Variants in ZNF384 observed in about 807,000 individuals in gnomAD.
ZNF384 encodes the protein zinc finger protein 384, also known as CAG repeat protein 1.
In ZNF384, 20 loss-of-function variants were observed where a neutral mutation model predicts 65.0. The ratio of observed to expected loss-of-function variants is 0.31; its 90% CI spans 0.22 to 0.45. The LOEUF (loss-of-function observed/expected upper bound fraction) is 0.45, where lower values mean the gene tolerates loss of function less well. Among genes scored for constraint, ZNF384 ranks in the 20% least tolerant of loss-of-function variants. The pLI is 1.00. For missense variants in ZNF384, 549 were observed against 769.4 expected (o/e 0.71, Z 3.39); for synonymous variants, 310 against 303.9 (o/e 1.02, Z -0.21).
rs3835029 is a variant in ZNF384 at position 6,667,903 on chromosome 12, TTGCTGCTGCTGCTGC to T, written c.1623_1637del (p.Gln543_Gln547del). On this transcript the variant is annotated inframe_deletion, in exon 12 of 12. Transcript: ENST00000683879. ...GAGACTGGAAGTGTGGTGGTGGCTGTTGCTGCTGCTGCTGCTGCTGCTGCTGCTGCTGCTGCTGCT... is the reference window on the plus strand; with the variant it reads ...GAGACTGGAAGTGTGGTGGTGGCTGTTGCTGCTGCTGCTGCTGCTGCTGCT... The T allele has an allele frequency of 3.3e-4, 514 of 1,547,442 alleles. 1 individual carries two copies. Among genetic ancestry groups the T allele is most frequent in the South Asian group, 8.1e-4 (72 of 88,986 alleles).
At chr12:6,676,744 T>C (rs947121849) in intron 7 of ZNF384, among the ~76,000 whole-genome samples, 1 of 152,222 alleles carries the variant, frequency 6.6e-6, no homozygotes, top group Admixed American at 6.5e-5. Context: ...TATGAACTGA[T>C]ATATAAGAGA....
intron 6 of ZNF384, among the ~76,000 whole-genome samples, chr12:6,677,691 G>A (rs1201044751): frequency 6.6e-6 from 1 of 152,090 alleles, no homozygotes; most frequent in Non-Finnish European, 1.5e-5. Flanking sequence ...GCAGGGTAAG[G>A]CAGGCTCAGT....
In ZNF384 at chr12:6,678,088, G is replaced by A. The variant is rs1178262744; in HGVS notation, c.686+39C>T. ...GGTACAGGGAGAATCACCAAGCCAGGGATCCTCGCCCCATCCTGCCCCTGG... is the reference window on the plus strand; with the variant it reads ...GGTACAGGGAGAATCACCAAGCCAGAGATCCTCGCCCCATCCTGCCCCTGG... On this transcript the variant is annotated intron_variant, in intron 6 of 11. Coordinates refer to ENST00000683879, the MANE Select transcript of ZNF384 (RefSeq NM_001385745.1). This position sits in a 1 kb window ranked among gnomAD's most constrained non-coding sequence, Gnocchi z 4.9. 4.5e-6 allele frequency: 7 copies of A among 1,564,096 alleles called. No individual in the cohort carries two copies. The highest frequency in any genetic ancestry group is 6.1e-6 in the Non-Finnish European group (7 of 1,145,662).
At position 6,667,903 on chromosome 12, in the gene ZNF384, TTGCTGCTGCTGCTGCTGCTGC is replaced by T. The variant is rs3835029; in HGVS notation, c.1617_1637del (p.Gln541_Gln547del). The T allele has an allele frequency of 1.2e-4, 193 of 1,547,594 alleles. No homozygotes were observed. Among genetic ancestry groups the T allele is most frequent in the African/African-American group, 1.8e-4 (13 of 72,494 alleles). ...GAGACTGGAAGTGTGGTGGTGGCTG[TTGCTGCTGCTGCTGCTGCTGC>T]TGCTGCTGCTGCTGCTGCTGCTGTG... On this transcript the variant is annotated inframe_deletion, in exon 12 of 12. Transcript: ENST00000683879.
intron 3 of ZNF384, 41 bp from the exon 4 acceptor site, chr12:6,679,224 T>C (rs1954931952): frequency 2.0e-6 from 3 of 1,513,792 alleles, no homozygotes; most frequent in Non-Finnish European, 2.7e-6. Context: ...CTCTTCAGCC[T>C]GAGAGGCTGA....
chr12:6,677,531 G>A (rs571470953), intron 6 of ZNF384, among the ~76,000 whole-genome samples: 2 of 152,306 alleles, frequency 1.3e-5, no homozygotes, highest in East Asian at 3.9e-4. Flanking sequence ...ATGCTTTTTG[G>A]TAAAGGGGAA....
intron 7 of ZNF384, among the ~76,000 whole-genome samples, chr12:6,674,633 G>A (rs1370854033): frequency 6.6e-6 from 1 of 152,214 alleles, no homozygotes; most frequent in Non-Finnish European, 1.5e-5. Flanking sequence ...GAGAGAGGGG[G>A]AGGCTCTGTT....
In ZNF384 at chr12:6,672,439, G is replaced by T; in HGVS notation, c.1098C>A (p.His366Gln). 6.2e-7 allele frequency: 1 copy of T among 1,614,222 alleles called. No individual in the cohort carries two copies. The highest frequency in any genetic ancestry group is 8.5e-7 in the Non-Finnish European group (1 of 1,180,026). ...TFANTSYLAQ[H>Q]LRIHSGAKPY... is the part of the protein sequence containing the mutation. The stretch of plus-strand genomic sequence containing the variant: ...GCTTGGCCCCCGAGTGGATACGGAG[G>T]TGCTGGGCCAGGTAGGAGGTGTTGG... The change falls in exon 9 of 12, where the codon CAC becomes CAA. Residue 366 changes from histidine (H) to glutamine (Q), a missense_variant. Transcript: ENST00000683879. The surrounding 1 kb of genome is among the most constrained non-coding windows in gnomAD (Gnocchi z 4.4).
At chr12:6,685,382 A>G (rs1003144158) in intron 2 of ZNF384, among the ~76,000 whole-genome samples, 3 of 152,084 alleles carry the variant, frequency 2.0e-5, no homozygotes, top group Non-Finnish European at 4.4e-5. Flanking sequence ...AAGGAAAGAT[A>G]TAATTTGGTG....
chr12:6,676,017 T>C (rs1953402243), intron 7 of ZNF384, among the ~76,000 whole-genome samples: 1 of 152,130 alleles, frequency 6.6e-6, no homozygotes, highest in Admixed American at 6.6e-5. Flanking sequence ...AAGATTTCTT[T>C]TGCCAGGCAC....
intron 2 of ZNF384, among the ~76,000 whole-genome samples, chr12:6,685,446 T>C (rs1436552765): frequency 6.6e-6 from 1 of 152,054 alleles, no homozygotes; most frequent in Non-Finnish European, 1.5e-5. Context: ...AACTTTACTA[T>C]TGCACCAAGC....
intron 2 of ZNF384, among the ~76,000 whole-genome samples, chr12:6,681,232 TTC>T (rs1490346058): frequency 6.6e-6 from 1 of 151,532 alleles, no homozygotes. Context: ...AAAAAAAACT[TTC>T]TGAGAAACAA....
At chr12:6,677,482 A>C (rs968355133) in intron 6 of ZNF384, among the ~76,000 whole-genome samples, 7 of 152,218 alleles carry the variant, frequency 4.6e-5, no homozygotes, top group African/African-American at 1.7e-4. Flanking sequence ...TTACTTATGT[A>C]ATTATTTTTG....
At chr12:6,677,981 T>C in intron 6 of ZNF384, 146 bp downstream of exon 6, 1 of 731,466 alleles carries the variant, frequency 1.4e-6, no homozygotes, top group South Asian at 1.7e-5. Context: ...TCCTATCCTA[T>C]GATGGGACAC....
intron 2 of ZNF384, among the ~76,000 whole-genome samples, chr12:6,687,397 G>C (rs895041231): frequency 1.2e-4 from 19 of 152,262 alleles, no homozygotes; most frequent in African/African-American, 4.1e-4. Flanking sequence ...TCTGGGGAAT[G>C]TGAGGCCAAA....
At chr12:6,677,143 C>A (rs1317054886) in intron 7 of ZNF384, 24 bp downstream of exon 7, 1 of 649,404 alleles carries the variant, frequency 1.5e-6, no homozygotes, top group Admixed American at 2.5e-5. Context: ...GAAACTGAGG[C>A]CCAGAGAGGG....
In ZNF384 at chr12:6,677,219, C is replaced by T; in HGVS notation, c.727G>A (p.Gly243Arg). The change falls in exon 7 of 12, where the codon GGG becomes AGG. Residue 243 changes from glycine (G) to arginine (R), a missense_variant. Transcript: ENST00000683879. The stretch of plus-strand genomic sequence containing the variant: ...GAGCCGGGAACTGAATCCATGAGCC[C>T]AAGGCTCTGTCCATTTCCTGTGCCG... ...NCGTGNGQSL[G>R]LMDSVPGSTT... 2 of 1,303,382 alleles carry T rather than the reference C, an allele frequency of 1.5e-6. No individual in the cohort carries two copies. Among genetic ancestry groups the T allele is most frequent in the Non-Finnish European group, 2.0e-6 (2 of 993,218 alleles). 80.7% of individuals were successfully genotyped at this position (1,303,382 alleles called of 1,614,324 possible).
chr12:6,669,356 G>A (rs990014189), intron 10 of ZNF384, among the ~76,000 whole-genome samples, 167 bp from the exon 11 acceptor site: 10 of 152,274 alleles, frequency 6.6e-5, no homozygotes, highest in African/African-American at 2.4e-4. Flanking sequence ...CAGGCTAAGG[G>A]TGGAAGCATA....
Position 6,667,134 on chromosome 12 carries a change from A to C in ZNF384, c.*580T>G, listed in dbSNP as rs1258907345. 13 of 243,870 alleles carry C rather than the reference A, an allele frequency of 5.3e-5. No homozygotes were observed. Among genetic ancestry groups the C allele is most frequent in the Non-Finnish European group, 1.1e-4 (13 of 123,266 alleles). The allele number at this position is 243,870 out of a possible 1,614,324, so 15.1% of individuals were successfully genotyped here. ...CACATCTCAGCCCTTGCCCCCTTCAAATAAAAGGAGGTCTAGCCCCTACCC... is the reference window on the plus strand; with the variant it reads ...CACATCTCAGCCCTTGCCCCCTTCACATAAAAGGAGGTCTAGCCCCTACCC... On this transcript the variant is annotated 3_prime_UTR_variant, in exon 12 of 12. Coordinates refer to ENST00000683879, the MANE Select transcript of ZNF384 (RefSeq NM_001385745.1).
Sources: allele counts gnomAD v4.1 joint callset (sites outside exome capture counted in the v4.1 genomes callset), GRCh38; gene constraint gnomAD v4.1.1; non-coding constraint Gnocchi (gnomAD v3.1); transcripts MANE v1.5; gene names NCBI Gene and HGNC (gene_info 2026-07-23, HGNC 2026-07-21).